The following WDR25 variants were observed in gnomAD, a reference collection of about 807,000 sequenced individuals.
WDR25 encodes WD repeat-containing protein 25.
In WDR25, 35 loss-of-function variants were observed where a neutral mutation model predicts 47.7. That is an observed-to-expected ratio of 0.73 (90% confidence interval 0.56 to 0.97). The LOEUF (loss-of-function observed/expected upper bound fraction) is 0.97. WDR25 is among the 50% of genes least tolerant of loss of function. The probability of loss-of-function intolerance (pLI) is 0.00; values close to 1 mark genes in which losing one functional copy is unlikely to be tolerated. For synonymous variants in WDR25, 248 were observed against 278.9 expected (o/e 0.89, Z 1.10); for missense variants, 634 against 704.7 (o/e 0.90, Z 1.14).
intron 2 of WDR25, among the ~76,000 whole-genome samples, chr14:100,412,064 T>C (rs1897724268): frequency 6.6e-6 from 1 of 152,052 alleles, no homozygotes; most frequent in Admixed American, 6.6e-5. Context: ...AAAATTTGCC[T>C]GGTGTGGTTG....
At chr14:100,517,518 T>C (rs1252832620) in intron 4 of WDR25, among the ~76,000 whole-genome samples, 4 of 152,218 alleles carry the variant, frequency 2.6e-5, no homozygotes, top group South Asian at 4.1e-4. Context: ...ATTCTACTTA[T>C]TGTTAATATT....
At chr14:100,489,871 T>A (rs1900505403) in intron 4 of WDR25, among the ~76,000 whole-genome samples, 1 of 152,244 alleles carries the variant, frequency 6.6e-6, no homozygotes, top group South Asian at 2.1e-4. Flanking sequence ...TCTGGGACTC[T>A]CATGATAAAA....
At position 100,404,015 on chromosome 14, in the gene WDR25, T is replaced by C. The variant is rs58009346; in HGVS notation, c.822+22269T>C. On this transcript the variant is annotated intron_variant, in intron 2 of 6. Transcript: ENST00000402312. The surrounding 1 kb of genome is among the most constrained non-coding windows in gnomAD (Gnocchi z 4.6). ...TGAGTAGAATGAGGCAATGTTGGTG[T>C]GGACTTTATCATGGGCTGTACCCAG... Among the ~76,000 whole-genome samples, 12,000 of 152,270 alleles carry C rather than the reference T, an allele frequency of 0.079. 1,445 individuals are homozygous for C. Among genetic ancestry groups the C allele is most frequent in the African/African-American group, 0.26 (10,870 of 41,504 alleles).
chr14:100,512,533 G>A (rs1271479686), intron 4 of WDR25, among the ~76,000 whole-genome samples: 1 of 152,086 alleles, frequency 6.6e-6, no homozygotes, highest in Non-Finnish European at 1.5e-5. Flanking sequence ...TATTGATCAA[G>A]TATCAGATTT....
At chr14:100,505,227 G>T (rs1901072194) in intron 4 of WDR25, among the ~76,000 whole-genome samples, 1 of 152,086 alleles carries the variant, frequency 6.6e-6, no homozygotes, top group Non-Finnish European at 1.5e-5. Flanking sequence ...CATTTATTCA[G>T]GGCTATGGTA....
At chr14:100,517,669 C>A (rs971165120) in intron 4 of WDR25, among the ~76,000 whole-genome samples, 3 of 152,076 alleles carry the variant, frequency 2.0e-5, no homozygotes, top group African/African-American at 4.8e-5. Flanking sequence ...CATGGAGAAA[C>A]CCCATCTCTA....
Position 100,499,885 on chromosome 14 carries a change from C to T in WDR25, c.1101+15761C>T, listed in dbSNP as rs1258494298. ...GGGGTGGCCAGGATTCACTGCACAC[C>T]TGGTGAATGTAGAATTCAGTGTTTG... On this transcript the variant is annotated intron_variant, in intron 4 of 6. Transcript: ENST00000402312. The surrounding 1 kb of genome is among the most constrained non-coding windows in gnomAD (Gnocchi z 4.4). Among the ~76,000 whole-genome samples the T allele has an allele frequency of 6.6e-6, 1 of 152,174 alleles. No individual in the cohort carries two copies. Among genetic ancestry groups the T allele is most frequent in the African/African-American group, 2.4e-5 (1 of 41,434 alleles).
chr14:100,470,097 G>C (rs536687788), intron 3 of WDR25, among the ~76,000 whole-genome samples: 4 of 152,346 alleles, frequency 2.6e-5, no homozygotes, highest in Admixed American at 2.0e-4. Flanking sequence ...TGGAGGAAGT[G>C]AAACCTGAGC....
intron 2 of WDR25, among the ~76,000 whole-genome samples, chr14:100,443,494 C>T (rs1038356162): frequency 2.0e-5 from 3 of 152,184 alleles, no homozygotes; most frequent in African/African-American, 4.8e-5. Context: ...CCGTGCTAGC[C>T]GAAGCCTTAA....
chr14:100,452,293 GA>G (rs988783050), intron 2 of WDR25, among the ~76,000 whole-genome samples: 2 of 152,182 alleles, frequency 1.3e-5, no homozygotes, highest in African/African-American at 4.8e-5. Flanking sequence ...GACACTGGGG[GA>G]TATAGAAGCG....
At chr14:100,465,540 C>G (rs988767555) in intron 2 of WDR25, among the ~76,000 whole-genome samples, 1 of 152,234 alleles carries the variant, frequency 6.6e-6, no homozygotes, top group African/African-American at 2.4e-5. Flanking sequence ...GCCAAGATTT[C>G]TTTCCATTCT....
chr14:100,525,808 C>A lies in WDR25; in HGVS notation c.1102-62C>A. 1 of 1,588,282 alleles carries A rather than the reference C, an allele frequency of 6.3e-7. No homozygotes were observed. Among genetic ancestry groups the A allele is most frequent in the South Asian group, 1.1e-5 (1 of 88,230 alleles). On this transcript the variant is annotated intron_variant, in intron 4 of 6. Coordinates refer to ENST00000402312, the MANE Select transcript of WDR25 (RefSeq NM_001161476.3). This position sits in a 1 kb window ranked among gnomAD's most constrained non-coding sequence, Gnocchi z 4.6. ...CCTGCCCCCTGGGTCCTTGGCCTTCCCTGCATAGGCGCCTGTCCGTGCTGC... is the reference window on the plus strand; with the variant it reads ...CCTGCCCCCTGGGTCCTTGGCCTTCACTGCATAGGCGCCTGTCCGTGCTGC...
chr14:100,527,399 C>T (rs992902216), intron 5 of WDR25, among the ~76,000 whole-genome samples: 2 of 152,206 alleles, frequency 1.3e-5, no homozygotes, highest in African/African-American at 4.8e-5. Flanking sequence ...TTCAACTAAC[C>T]CAAGACTAAT....
chr14:100,473,509 CCTG>C (rs749230253), intron 3 of WDR25, among the ~76,000 whole-genome samples: 17 of 152,292 alleles, frequency 1.1e-4, no homozygotes, highest in Admixed American at 2.0e-4. Flanking sequence ...CAGCTGGCCA[CCTG>C]CAGAGGATAA....
At chr14:100,491,440 T>C (rs1333196890) in intron 4 of WDR25, among the ~76,000 whole-genome samples, 1 of 152,232 alleles carries the variant, frequency 6.6e-6, no homozygotes, top group African/African-American at 2.4e-5. Context: ...ACAATGGTCC[T>C]GTAAGATTAT....
rs1900828908 is a variant in WDR25, at chr14:100,499,039, T to C, written c.1101+14915T>C. Among the ~76,000 whole-genome samples, 1 of 152,148 alleles carries C rather than the reference T, an allele frequency of 6.6e-6. No individual in the cohort carries two copies. Among genetic ancestry groups the C allele is most frequent in the Non-Finnish European group, 1.5e-5 (1 of 68,038 alleles). The stretch of plus-strand genomic sequence containing the variant: ...CCAAGTGCTGCCCATGACTTCAGAA[T>C]GGAGGGTGAGGTGGTTGTTCTCTAG... On this transcript the variant is annotated intron_variant, in intron 4 of 6. Transcript: ENST00000402312. This position sits in a 1 kb window ranked among gnomAD's most constrained non-coding sequence, Gnocchi z 4.4.
intron 2 of WDR25, among the ~76,000 whole-genome samples, chr14:100,418,405 G>GGGCGGATCACGAGGTC (rs1897930068): frequency 1.3e-5 from 2 of 151,786 alleles, no homozygotes; most frequent in South Asian, 4.2e-4. Context: ...AGGCCGAGGT[G>GGGCGGATCACGAGGTC]GGCGGATCAC....
At chr14:100,484,988 A>G (rs1164562496) in intron 4 of WDR25, among the ~76,000 whole-genome samples, 2 of 152,154 alleles carry the variant, frequency 1.3e-5, no homozygotes, top group African/African-American at 2.4e-5. Flanking sequence ...GTAAAAGCCA[A>G]TGTCTCTGAT....
chr14:100,529,735 C>T lies in WDR25; in HGVS notation c.1414-85C>T. ...CCAGCTCTGCTCCGTCAGCTCGGGGCTTCAGCCTGCTCCTCTGTAGAATGG... is the reference window on the plus strand; with the variant it reads ...CCAGCTCTGCTCCGTCAGCTCGGGGTTTCAGCCTGCTCCTCTGTAGAATGG... On this transcript the variant is annotated intron_variant, in intron 6 of 6. Coordinates refer to ENST00000402312, the MANE Select transcript of WDR25 (RefSeq NM_001161476.3). This position sits in a 1 kb window ranked among gnomAD's most constrained non-coding sequence, Gnocchi z 5.1. The T allele has an allele frequency of 6.9e-7, 1 of 1,446,802 alleles. No individual in the cohort carries two copies. The highest frequency in any genetic ancestry group is 1.3e-5 in the South Asian group (1 of 76,936). 89.6% of individuals were successfully genotyped at this position (1,446,802 alleles called of 1,614,324 possible). A position where few individuals can be genotyped will look rare whatever the true frequency, so the allele number is the denominator to read the frequency against.
Sources: allele counts gnomAD v4.1 joint callset (sites outside exome capture counted in the v4.1 genomes callset), GRCh38; gene constraint gnomAD v4.1.1; non-coding constraint Gnocchi (gnomAD v3.1); transcripts MANE v1.5; gene names NCBI Gene and HGNC (gene_info 2026-07-23, HGNC 2026-07-21).